HAPLN3: variants seen among roughly 807,000 people sequenced by gnomAD.
The protein encoded by HAPLN3 is hyaluronan and proteoglycan link protein 3, also known as extracellular link domain containing, 1.
Under a neutral mutation model 28.1 loss-of-function variants are expected in HAPLN3, and 28 were observed. The ratio of observed to expected loss-of-function variants is 1.00; its 90% CI spans 0.74 to 1.37. HAPLN3 has a LOEUF of 1.37. Among genes scored for constraint, HAPLN3 ranks in the 40% most tolerant of loss-of-function variants. The probability of loss-of-function intolerance (pLI) is 0.00; values close to 1 mark genes in which losing one functional copy is unlikely to be tolerated. For synonymous variants in HAPLN3, 211 were observed against 213.1 expected (o/e 0.99, Z 0.09); for missense variants, 513 against 504.6 (o/e 1.02, Z -0.16).
chr15:88,884,383 T>A (rs181030158), intron 2 of HAPLN3, among the ~76,000 whole-genome samples: 23 of 152,208 alleles, frequency 1.5e-4, no homozygotes, highest in African/African-American at 4.8e-4. Flanking sequence ...GCTAACACGG[T>A]GAAACCCCAT....
rs1897921179 is a variant in HAPLN3 at position 88,888,269 on chromosome 15, T to C, written c.-47-924A>G. 6.6e-6 allele frequency among the ~76,000 whole-genome samples: 1 copy of C among 152,050 alleles called. No homozygotes were observed. The highest frequency in any genetic ancestry group is 1.5e-5 in the Non-Finnish European group (1 of 67,976). On this transcript the variant is annotated intron_variant, in intron 1 of 4. Coordinates refer to ENST00000359595, the MANE Select transcript of HAPLN3 (RefSeq NM_178232.4). This position sits in a 1 kb window ranked among gnomAD's most constrained non-coding sequence, Gnocchi z 4.1. ...ACCAAGCTCAGCTAATTTTTTGTAA[T>C]TTTAGTACAGACGGGGTTTCACCGC...
chr15:88,884,208 G>A (rs976343741), intron 2 of HAPLN3, among the ~76,000 whole-genome samples: 7 of 152,198 alleles, frequency 4.6e-5, no homozygotes, highest in African/African-American at 1.2e-4. Context: ...ATGTTGGCCT[G>A]GTAGTGTAGT....
At chr15:88,882,254 C>T (rs1288860223) in intron 2 of HAPLN3, among the ~76,000 whole-genome samples, 2 of 152,230 alleles carry the variant, frequency 1.3e-5, no homozygotes, top group Admixed American at 6.5e-5. Context: ...AATGCTGACC[C>T]ACAGAATCAT....
intron 4 of HAPLN3, among the ~76,000 whole-genome samples, chr15:88,878,683 G>A (rs1445822243): frequency 5.9e-5 from 9 of 152,192 alleles, no homozygotes; most frequent in Non-Finnish European, 1.3e-4. Flanking sequence ...TGTTTTATTC[G>A]TCTGTGATTC....
At chr15:88,887,125 G>A in intron 2 of HAPLN3, 50 bp downstream of exon 2, 3 of 1,600,086 alleles carry the variant, frequency 1.9e-6, no homozygotes, top group South Asian at 2.2e-5. Flanking sequence ...GAGCCAAGGA[G>A]GTCTAGGTCA....
intron 2 of HAPLN3, among the ~76,000 whole-genome samples, chr15:88,884,328 G>A (rs976670081): frequency 6.6e-6 from 1 of 152,170 alleles, no homozygotes; most frequent in African/African-American, 2.4e-5. Context: ...ACTTTGGGAG[G>A]CCAAGGCGGG....
chr15:88,879,628 C>A lies in HAPLN3; in HGVS notation c.494-359G>T, dbSNP rs1226949568. ...TGGGCTCTAGGGGCCAGGTTTGACT[C>A]CCAGCTCCCCACTCGTTAGCTGGGA... On this transcript the variant is annotated intron_variant, in intron 3 of 4. Transcript: ENST00000359595. The surrounding 1 kb of genome is among the most constrained non-coding windows in gnomAD (Gnocchi z 5.0). 1 of 1,256,500 alleles carries A rather than the reference C, an allele frequency of 8.0e-7. No individual in the cohort carries two copies. The highest frequency in any genetic ancestry group is 1.0e-6 in the Non-Finnish European group (1 of 980,310). The allele number at this position is 1,256,500 out of a possible 1,614,324, so 77.8% of individuals were successfully genotyped here. A position where few individuals can be genotyped will look rare whatever the true frequency, so the allele number is the denominator to read the frequency against.
chr15:88,890,564 G>A lies in HAPLN3; in HGVS notation c.-47-3219C>T, dbSNP rs368694690. 2.0e-4 allele frequency among the ~76,000 whole-genome samples: 31 copies of A among 152,152 alleles called. 1 individual carries two copies. The highest frequency in any genetic ancestry group is 1.7e-3 in the Admixed American group (26 of 15,276). ...TCCTAAAGTAACAGAGGTCTAGATG[G>A]GTGCACGACCGTTCAGCTGAAGACT... is the stretch of plus-strand genomic sequence containing the variant. On this transcript the variant is annotated intron_variant, in intron 1 of 4. Transcript: ENST00000359595.
chr15:88,881,391 C>T lies in HAPLN3; in HGVS notation c.459G>A (p.Glu153=), dbSNP rs1051267069. The change falls in exon 3 of 5, where the codon GAG becomes GAA. Residue 153 remains glutamate (E), a synonymous_variant. Coordinates refer to ENST00000359595, the MANE Select transcript of HAPLN3 (RefSeq NM_178232.4). The surrounding 1 kb of genome is among the most constrained non-coding windows in gnomAD (Gnocchi z 6.0). The part of the protein sequence containing the change: ...RYRCEVIDGL[E]DESGLVELEL... The stretch of plus-strand genomic sequence containing the variant: ...CCAGCTCCACCAGACCGCTTTCATC[C>T]TCCAGCCCGTCAATGACCTCACAGC... The T allele has an allele frequency of 8.7e-6, 14 of 1,613,582 alleles. No individual in the cohort carries two copies. The highest frequency in any genetic ancestry group is 1.2e-5 in the Non-Finnish European group (14 of 1,179,940).
rs1191851125 is a variant in HAPLN3 at position 88,880,863 on chromosome 15, C to T, written c.493+494G>A. Among the ~76,000 whole-genome samples the T allele has an allele frequency of 6.6e-6, 1 of 152,176 alleles. No homozygotes were observed. The highest frequency in any genetic ancestry group is 1.5e-5 in the Non-Finnish European group (1 of 68,038). On this transcript the variant is annotated intron_variant, in intron 3 of 4. Coordinates refer to ENST00000359595, the MANE Select transcript of HAPLN3 (RefSeq NM_178232.4). This position sits in a 1 kb window ranked among gnomAD's most constrained non-coding sequence, Gnocchi z 6.0. Reference sequence around the variant, plus strand: ...TTTGGCAGTGGGGTCTGCATTCTGGCGTGGCATCATCAGCTGGGCCTGAGT... The same window carrying T: ...TTTGGCAGTGGGGTCTGCATTCTGGTGTGGCATCATCAGCTGGGCCTGAGT...
intron 1 of HAPLN3, among the ~76,000 whole-genome samples, chr15:88,893,696 G>A (rs747820362): frequency 2.0e-5 from 3 of 151,780 alleles, no homozygotes; most frequent in Non-Finnish European, 2.9e-5. Context: ...GGGAGGCTGA[G>A]GTGGGCAGAT....
At chr15:88,878,591 G>T (rs759893395) in intron 4 of HAPLN3, among the ~76,000 whole-genome samples, 1 of 152,150 alleles carries the variant, frequency 6.6e-6, no homozygotes, top group Admixed American at 6.5e-5. Context: ...TTTTCCAAGG[G>T]CTTGGCATAT....
In HAPLN3 at chr15:88,877,569, G is replaced by A. The variant is rs2086807066; in HGVS notation, c.*401C>T. 1.2e-5 allele frequency: 2 copies of A among 168,984 alleles called. No individual in the cohort carries two copies. Among genetic ancestry groups the A allele is most frequent in the South Asian group, 3.1e-4 (2 of 6,486 alleles). 10.5% of individuals were successfully genotyped at this position (168,984 alleles called of 1,614,324 possible). A position where few individuals can be genotyped will look rare whatever the true frequency, so the allele number is the denominator to read the frequency against. The stretch of plus-strand genomic sequence containing the variant: ...AGGAGAGGCCCAAAGCCCAGCTCCG[G>A]AGGCCCCCGAGGCCCTCTTCTTCCC... On this transcript the variant is annotated 3_prime_UTR_variant, in exon 5 of 5. Transcript: ENST00000359595. The surrounding 1 kb of genome is among the most constrained non-coding windows in gnomAD (Gnocchi z 5.1).
intron 4 of HAPLN3, 58 bp downstream of exon 4, chr15:88,878,909 C>T: frequency 6.6e-7 from 1 of 1,505,442 alleles, no homozygotes; most frequent in Non-Finnish European, 8.9e-7. Context: ...AAGCTGCCCT[C>T]TCACAGGTCC....
Position 88,881,958 on chromosome 15 carries a change from C to A in HAPLN3, c.125-233G>T, listed in dbSNP as rs189042716. Among the ~76,000 whole-genome samples the A allele has an allele frequency of 1.3e-5, 2 of 152,202 alleles. No individual in the cohort carries two copies. Among genetic ancestry groups the A allele is most frequent in the Admixed American group, 6.5e-5 (1 of 15,286 alleles). ...GAATCTGTGCTGGCCTTGCCACTTG[C>A]TTGACCAACTGAATGCCTTGGAAGT... On this transcript the variant is annotated intron_variant, in intron 2 of 4. Transcript: ENST00000359595. The surrounding 1 kb of genome is among the most constrained non-coding windows in gnomAD (Gnocchi z 6.0).
Position 88,881,319 on chromosome 15 carries a change from C to A in HAPLN3, c.493+38G>T. 6.3e-7 allele frequency: 1 copy of A among 1,581,072 alleles called. No individual in the cohort carries two copies. The highest frequency in any genetic ancestry group is 8.6e-7 in the Non-Finnish European group (1 of 1,163,280). ...TCTCTGGTCCTCTCCCCTCTGCTCT[C>A]AGGTCCCAGTGTCACCCAGTCCCCG... On this transcript the variant is annotated intron_variant, in intron 3 of 4. Transcript: ENST00000359595. This position sits in a 1 kb window ranked among gnomAD's most constrained non-coding sequence, Gnocchi z 6.0.
rs1377494498 is a variant in HAPLN3, at chr15:88,880,200, C to G, written c.494-931G>C. The G allele has an allele frequency of 1.0e-6, 1 of 995,308 alleles. No homozygotes were observed. Among genetic ancestry groups the G allele is most frequent in the Non-Finnish European group, 1.2e-6 (1 of 836,528 alleles). 61.7% of individuals were successfully genotyped at this position (995,308 alleles called of 1,614,324 possible). A position where few individuals can be genotyped will look rare whatever the true frequency, so the allele number is the denominator to read the frequency against. ...CCTGGTTCCACCCCAAATTCCTAGC[C>G]CTTGAAGCCCCGGGAATGGGGTGAG... is the stretch of plus-strand genomic sequence containing the variant. On this transcript the variant is annotated intron_variant, in intron 3 of 4. Coordinates refer to ENST00000359595, the MANE Select transcript of HAPLN3 (RefSeq NM_178232.4). The surrounding 1 kb of genome is among the most constrained non-coding windows in gnomAD (Gnocchi z 6.0).
At position 88,880,417 on chromosome 15, in the gene HAPLN3, C is replaced by G. The variant is rs1200836920; in HGVS notation, c.493+940G>C. On this transcript the variant is annotated intron_variant, in intron 3 of 4. Transcript: ENST00000359595. This position sits in a 1 kb window ranked among gnomAD's most constrained non-coding sequence, Gnocchi z 6.0. ...AGGACATACATCTTATCCTCATTGC[C>G]TCTGAGGGAGGTAAAGGAGGAAAGA... 1 of 1,182,912 alleles carries G rather than the reference C, an allele frequency of 8.5e-7. No individual in the cohort carries two copies. Among genetic ancestry groups the G allele is most frequent in the Admixed American group, 3.4e-5 (1 of 29,814 alleles). 73.3% of individuals were successfully genotyped at this position (1,182,912 alleles called of 1,614,324 possible). A position where few individuals can be genotyped will look rare whatever the true frequency, so the allele number is the denominator to read the frequency against.
chr15:88,894,301 T>C (rs952044604), intron 1 of HAPLN3, among the ~76,000 whole-genome samples: 2 of 152,144 alleles, frequency 1.3e-5, no homozygotes, highest in African/African-American at 4.8e-5. Context: ...TGACCAGCCC[T>C]TTGCTTTTCC....
Sources: gnomAD v4.1 joint callset for allele counts (sites outside exome capture counted in the v4.1 genomes callset) on GRCh38, gnomAD v4.1.1 for gene constraint, Gnocchi (gnomAD v3.1) non-coding constraint, MANE v1.5 for transcripts, NCBI Gene and HGNC (gene_info 2026-07-23, HGNC 2026-07-21) for gene names.